The following CYP2S1 variants were observed in gnomAD, a reference collection of about 807,000 sequenced individuals.
CYP2S1 encodes cytochrome P450 family 2 subfamily S member 1.
In CYP2S1, 32 loss-of-function variants were observed where a neutral mutation model predicts 43.5. That is an observed-to-expected ratio of 0.74 (90% CI 0.56 to 0.99). CYP2S1 has a LOEUF of 0.99. Among genes scored for constraint, CYP2S1 ranks in the 50% least tolerant of loss-of-function variants. The pLI is 0.00. For missense variants in CYP2S1, 575 were observed against 673.9 expected (o/e 0.85, Z 1.62); for synonymous variants, 283 against 302.9 (o/e 0.93, Z 0.68).
At chr19:41,206,139 C>T (rs372837086) in intron 8 of CYP2S1, 40 bp downstream of exon 8, 160 of 1,609,482 alleles carry the variant, frequency 9.9e-5, no homozygotes, top group African/African-American at 7.9e-4. Context: ...CAGGTGCTGG[C>T]GAACTCCAGG....
At chr19:41,194,364 C>T (rs1377808527) in intron 1 of CYP2S1, among the ~76,000 whole-genome samples, 180 bp from the exon 2 acceptor site, 1 of 151,880 alleles carries the variant, frequency 6.6e-6, no homozygotes, top group African/African-American at 2.4e-5. Context: ...GGAGGAGGCC[C>T]GGGAGCCTAG....
At chr19:41,201,119 T>C (rs1169311370) in intron 5 of CYP2S1, 112 bp from the exon 6 acceptor site, 2 of 1,408,056 alleles carry the variant, frequency 1.4e-6, no homozygotes, top group Non-Finnish European at 1.9e-6. Context: ...AAAATTTATC[T>C]AAACCCCGTG....
Position 41,193,322 on chromosome 19 carries a change from A to ACGCTGG in CYP2S1, c.64_69dup (p.Ala22_Leu23dup). 6.5e-7 allele frequency: 1 copy of ACGCTGG among 1,541,026 alleles called. No homozygotes were observed. Among genetic ancestry groups the ACGCTGG allele is most frequent in the Non-Finnish European group, 8.7e-7 (1 of 1,143,664 alleles). ...GGCGCTGGCGCTGCTCCTGCTGCTG[A>ACGCTGG]CGCTGGCGCTGTCCGGGACCAGGGC... On this transcript the variant is annotated inframe_insertion, in exon 1 of 9. Transcript: ENST00000310054.
At chr19:41,205,411 TCTTTCTTTCTCTCTC>T (rs2033559056) in intron 7 of CYP2S1, among the ~76,000 whole-genome samples, 1 of 62,298 alleles carries the variant, frequency 1.6e-5, no homozygotes, top group Non-Finnish European at 2.8e-5. Flanking sequence ...TCTCTTTCTT[TCTTTCTTTCTCTCTC>T]TCTCTCTTTC....
intron 7 of CYP2S1, among the ~76,000 whole-genome samples, chr19:41,204,936 C>G (rs2033543670): frequency 2.0e-5 from 3 of 151,954 alleles, no homozygotes; most frequent in Admixed American, 2.0e-4. Flanking sequence ...GGGCAAATCA[C>G]TTCCCCCCCT....
chr19:41,195,263 G>A (rs1287302213), intron 2 of CYP2S1, among the ~76,000 whole-genome samples: 3 of 152,248 alleles, frequency 2.0e-5, no homozygotes, highest in Non-Finnish European at 1.5e-5. Flanking sequence ...TGAGGGTTCA[G>A]AAAGATGCCG....
Position 41,206,646 on chromosome 19 carries a change from A to G in CYP2S1, c.*158A>G. ...AGTCTGTCCCACGGCCCACACGCTCACTTGACTCATGCTGCTAAGATGCAC... is the reference window on the plus strand; with the variant it reads ...AGTCTGTCCCACGGCCCACACGCTCGCTTGACTCATGCTGCTAAGATGCAC... On this transcript the variant is annotated 3_prime_UTR_variant, in exon 9 of 9. Coordinates refer to ENST00000310054, the MANE Select transcript of CYP2S1 (RefSeq NM_030622.8). 2.2e-6 allele frequency: 2 copies of G among 925,780 alleles called. No homozygotes were observed. The highest frequency in any genetic ancestry group is 2.6e-5 in the South Asian group (2 of 76,902). 57.3% of individuals were successfully genotyped at this position (925,780 alleles called of 1,614,324 possible).
In CYP2S1 at chr19:41,198,533, C is replaced by T. The variant is rs61736648; in HGVS notation, c.565C>T (p.Leu189Phe). ...CGTAGTCTGCTCCCTCCTCTTTGGC[C>T]TCCGCTTCTCCTATGAGGATAAGGA... Reference protein sequence around the residue: ...SNVVCSLLFGLRFSYEDKEFQ... With the variant: ...SNVVCSLLFGFRFSYEDKEFQ... The change falls in exon 4 of 9, where the codon CTC becomes TTC. Residue 189 changes from leucine (L) to phenylalanine (F), a missense_variant. Physicochemically the swap from Leu to Phe is conservative, Grantham distance 22. Around this residue, in one of 2 missense-constraint regions of CYP2S1, gnomAD observed 353 missense variants for 367.6 expected, o/e 0.96. Coordinates refer to ENST00000310054, the MANE Select transcript of CYP2S1 (RefSeq NM_030622.8). The surrounding 1 kb of genome is among the most constrained non-coding windows in gnomAD (Gnocchi z 4.9). 5,298 of 1,614,170 alleles carry T rather than the reference C, an allele frequency of 3.3e-3. 15 individuals are homozygous for T. The highest frequency in any genetic ancestry group is 3.8e-3 in the Admixed American group (231 of 60,026).
chr19:41,197,671 G>A (rs1599712637), intron 2 of CYP2S1, 108 bp from the exon 3 acceptor site: 1 of 1,533,190 alleles, frequency 6.5e-7, no homozygotes, highest in East Asian at 2.3e-5. Context: ...CTGCACTCCA[G>A]CCTGGGCAAC....
Position 41,206,911 on chromosome 19 carries a change from C to G in CYP2S1, c.*423C>G, listed in dbSNP as rs571510695. 155 of 406,944 alleles carry G rather than the reference C, an allele frequency of 3.8e-4. No homozygotes were observed. The Middle Eastern group carries it at 5.4e-3, about 14-fold the overall frequency. 25.2% of individuals were successfully genotyped at this position (406,944 alleles called of 1,614,324 possible). On this transcript the variant is annotated 3_prime_UTR_variant, in exon 9 of 9. Transcript: ENST00000310054. ...CATCGAACTTCTCAGTGTCCCTGTC[C>G]CTGGTGCCTGGCACAGGGAACAGCA...
Position 41,197,813 on chromosome 19 carries a change from G to A in CYP2S1, c.378G>A (p.Gln126=), listed in dbSNP as rs1338215178. 1 of 1,614,032 alleles carries A rather than the reference G, an allele frequency of 6.2e-7. No homozygotes were observed. The highest frequency in any genetic ancestry group is 8.5e-7 in the Non-Finnish European group (1 of 1,180,042). ...TCTCCAACGGGGAGCGGTGGAGGCA[G>A]CTGAGGAAGTTTACCATGCTTGCTC... The part of the protein sequence containing the change: ...VFFSNGERWR[Q]LRKFTMLALR... The change falls in exon 3 of 9, where the codon CAG becomes CAA. Residue 126 remains glutamine (Q), a synonymous_variant. Coordinates refer to ENST00000310054, the MANE Select transcript of CYP2S1 (RefSeq NM_030622.8).
At chr19:41,201,837 T>C (rs549887252) in intron 6 of CYP2S1, among the ~76,000 whole-genome samples, 42 of 152,116 alleles carry the variant, frequency 2.8e-4, no homozygotes, top group African/African-American at 8.4e-4. Context: ...GAGTTGCTGA[T>C]TGCAGTATGA....
rs372811960 is a variant in CYP2S1 at position 41,203,617 on chromosome 19, C to T, written c.1144C>T (p.Arg382Ter). ...PRTLMRTTRFRGYTLPQGTEV... is the reference protein window; with the variant it reads ...PRTLMRTTRF ...CACCCTCATGCGGACCACCCGCTTC[C>T]GAGGGTACACCCTGCCCCAGGTGGG... The change falls in exon 7 of 9, where the codon CGA becomes TGA. Residue 382 changes from arginine (R) to a stop codon, truncating the protein, a stop_gained. Coordinates refer to ENST00000310054, the MANE Select transcript of CYP2S1 (RefSeq NM_030622.8). LOFTEE classifies it high-confidence loss of function. The T allele has an allele frequency of 5.2e-6, 8 of 1,546,286 alleles. No homozygotes were observed. Among genetic ancestry groups the T allele is most frequent in the East Asian group, 2.5e-5 (1 of 40,498 alleles).
intron 7 of CYP2S1, among the ~76,000 whole-genome samples, chr19:41,203,863 AT>A (rs1190210509): frequency 7.2e-6 from 1 of 138,954 alleles, no homozygotes; most frequent in Non-Finnish European, 1.5e-5. Context: ...TTCTGCATAT[AT>A]TTTTTTTCTT....
intron 2 of CYP2S1, among the ~76,000 whole-genome samples, chr19:41,195,478 G>C (rs2033399677): frequency 6.6e-6 from 1 of 152,006 alleles, no homozygotes; most frequent in Admixed American, 6.6e-5. Flanking sequence ...AGAGTGGTCA[G>C]GGCCAAGATG....
At position 41,206,215 on chromosome 19, in the gene CYP2S1, TC is replaced by T. The variant is rs892260329; in HGVS notation, c.1307-59del. 3.1e-6 allele frequency: 5 copies of T among 1,611,074 alleles called. No individual in the cohort carries two copies. The South Asian group carries it at 3.3e-5, about 11-fold the overall frequency. ...TACTGTTGGCTCCTCCACCTGCTGT[TC>T]CCCCCGTGGGCCTGGGTGTGAGGAA... On this transcript the variant is annotated intron_variant, in intron 8 of 8. Coordinates refer to ENST00000310054, the MANE Select transcript of CYP2S1 (RefSeq NM_030622.8).
intron 7 of CYP2S1, among the ~76,000 whole-genome samples, chr19:41,205,378 CTT>C (rs751516000): frequency 4.5e-5 from 5 of 112,298 alleles, no homozygotes; most frequent in Admixed American, 7.9e-5. Flanking sequence ...TTCTTTCTTT[CTT>C]TCTCTCTCTC....
At position 41,193,288 on chromosome 19, in the gene CYP2S1, GCTGCTGCTGGCGCTGGCGCTGCTC is replaced by G; in HGVS notation, c.34_57del (p.Ala12_Leu19del). On this transcript the variant is annotated inframe_deletion, in exon 1 of 9. Transcript: ENST00000310054. Reference sequence around the variant, plus strand: ...AGATGGAGGCGACCGGCACCTGGGCGCTGCTGCTGGCGCTGGCGCTGCTCCTGCTGCTGACGCTGGCGCTGTCCG... The same window carrying G: ...AGATGGAGGCGACCGGCACCTGGGCGCTGCTGCTGACGCTGGCGCTGTCCG... The G allele has an allele frequency of 1.9e-6, 3 of 1,540,420 alleles. No individual in the cohort carries two copies. The highest frequency in any genetic ancestry group is 1.2e-5 in the South Asian group (1 of 84,062).
At chr19:41,195,565 G>A (rs927382699) in intron 2 of CYP2S1, among the ~76,000 whole-genome samples, 6 of 152,048 alleles carry the variant, frequency 3.9e-5, no homozygotes, top group Admixed American at 1.3e-4. Flanking sequence ...GCTGAGGGAA[G>A]CCCTGGGACT....
Sources: allele counts gnomAD v4.1 joint callset (sites outside exome capture counted in the v4.1 genomes callset), GRCh38; gene constraint gnomAD v4.1.1; regional missense constraint gnomAD v4.1.1; non-coding constraint Gnocchi (gnomAD v3.1); transcripts MANE v1.5; gene names NCBI Gene and HGNC (gene_info 2026-07-23, HGNC 2026-07-21).